Variants in CTNNA1 observed in about 807,000 individuals in gnomAD.
CTNNA1 encodes the protein catenin alpha-1.
Under a neutral mutation model 98.4 loss-of-function variants are expected in CTNNA1, and 37 were observed. That is an observed-to-expected ratio of 0.38 (90% CI 0.29 to 0.49). CTNNA1 has a LOEUF of 0.49. CTNNA1 is among the 20% of genes least tolerant of loss of function. The probability of loss-of-function intolerance (pLI) is 0.95; values close to 1 mark genes in which losing one functional copy is unlikely to be tolerated. For synonymous variants in CTNNA1, 404 were observed against 413.2 expected (o/e 0.98, Z 0.27); for missense variants, 761 against 1,147.2 (o/e 0.66, Z 4.86).
chr5:138,904,530 G>A, intron 10 of CTNNA1, 89 bp downstream of exon 10: 1 of 1,510,666 alleles, frequency 6.6e-7, no homozygotes, highest in Non-Finnish European at 8.9e-7. Flanking sequence ...GTTTTGTTTT[G>A]TTTTTAGGAT....
intron 10 of CTNNA1, among the ~76,000 whole-genome samples, chr5:138,910,338 C>G (rs550712592): frequency 7.2e-6 from 1 of 138,084 alleles, no homozygotes; most frequent in East Asian, 2.2e-4. Context: ...TAAACTCTAG[C>G]TGGGCCTGGA....
intron 7 of CTNNA1, among the ~76,000 whole-genome samples, chr5:138,847,542 G>A (rs542065830): frequency 7.9e-5 from 12 of 152,252 alleles, no homozygotes; most frequent in Non-Finnish European, 1.5e-4. Flanking sequence ...TGCTTTATTC[G>A]GGGGATATTT....
chr5:138,799,301 C>T (rs1456654757), intron 3 of CTNNA1, among the ~76,000 whole-genome samples: 1 of 152,144 alleles, frequency 6.6e-6, no homozygotes, highest in Non-Finnish European at 1.5e-5. Context: ...GGTGGGATTA[C>T]AGGCATGTGC....
intron 3 of CTNNA1, among the ~76,000 whole-genome samples, chr5:138,798,471 G>A (rs1386231876): frequency 6.6e-6 from 1 of 152,144 alleles, no homozygotes; most frequent in Admixed American, 6.5e-5. Context: ...ACAGGTTCAG[G>A]TTAAAACAAA....
intron 13 of CTNNA1, among the ~76,000 whole-genome samples, chr5:138,926,513 C>T (rs975982201): frequency 1.3e-5 from 2 of 152,150 alleles, no homozygotes; most frequent in African/African-American, 4.8e-5. Flanking sequence ...GCCCACTTGC[C>T]GATTTCGTTG....
chr5:138,758,090 T>G (rs968866815), intron 1 of CTNNA1, among the ~76,000 whole-genome samples: 1 of 152,118 alleles, frequency 6.6e-6, no homozygotes, highest in Non-Finnish European at 1.5e-5. Flanking sequence ...CACTGCAACC[T>G]CTGTCTCCTG....
At position 138,783,238 on chromosome 5, in the gene CTNNA1, A is replaced by T. The variant is rs1245581999; in HGVS notation, c.167A>T (p.Lys56Met). ...GPSNKKRGRS[K>M]KAHVLAASVE... ...TCTAATAAGAAGAGAGGTCGTTCTA[A>T]GAAGGCCCATGTTTTGGCTGCATCT... is the stretch of plus-strand genomic sequence containing the variant. Residue 56 changes from lysine to methionine, a missense_variant, in exon 3 of 18, where the codon AAG becomes ATG. This residue lies in a region of CTNNA1 where 328 missense variants were observed against 354.3 expected (regional missense o/e 0.93). Coordinates refer to ENST00000302763, the MANE Select transcript of CTNNA1 (RefSeq NM_001903.5). 6.2e-7 allele frequency: 1 copy of T among 1,614,162 alleles called. No individual in the cohort carries two copies. Among genetic ancestry groups the T allele is most frequent in the African/African-American group, 1.3e-5 (1 of 75,068 alleles).
At chr5:138,902,182 G>T (rs1758179902) in intron 9 of CTNNA1, among the ~76,000 whole-genome samples, 1 of 152,166 alleles carries the variant, frequency 6.6e-6, no homozygotes, top group South Asian at 2.1e-4. Flanking sequence ...TTCAGCCTTA[G>T]CCACACACTA....
intron 6 of CTNNA1, among the ~76,000 whole-genome samples, chr5:138,826,853 A>C (rs1760772459): frequency 6.6e-6 from 1 of 152,228 alleles, no homozygotes; most frequent in African/African-American, 2.4e-5. Flanking sequence ...GCTGGAGTGC[A>C]GTGGCACAAT....
intron 9 of CTNNA1, among the ~76,000 whole-genome samples, chr5:138,900,817 A>G (rs1324292453): frequency 6.6e-6 from 1 of 152,168 alleles, no homozygotes; most frequent in African/African-American, 2.4e-5. Flanking sequence ...AGCAAAACCC[A>G]AGGCCGATTG....
At chr5:138,932,994 G>C (rs188808881) in intron 17 of CTNNA1, 1 of 765,266 alleles carries the variant, frequency 1.3e-6, no homozygotes, top group Non-Finnish European at 2.4e-6. Context: ...GGGACCGGGC[G>C]TGGTGGCAGG....
intron 3 of CTNNA1, among the ~76,000 whole-genome samples, chr5:138,783,970 T>G (rs1304126585): frequency 1.3e-5 from 2 of 152,212 alleles, no homozygotes; most frequent in Non-Finnish European, 2.9e-5. Flanking sequence ...AAAATGGTAA[T>G]CCACAGTTTA....
At chr5:138,886,922 A>G (rs931210994) in intron 8 of CTNNA1, among the ~76,000 whole-genome samples, 7 of 152,168 alleles carry the variant, frequency 4.6e-5, no homozygotes, top group Non-Finnish European at 8.8e-5. Flanking sequence ...TTAAGAGGTA[A>G]TGGACAGATA....
At chr5:138,860,952 T>C (rs960611995) in intron 7 of CTNNA1, among the ~76,000 whole-genome samples, 3 of 152,102 alleles carry the variant, frequency 2.0e-5, no homozygotes. Context: ...TCTTTCCCAC[T>C]GCCATTTTTT....
intron 11 of CTNNA1, among the ~76,000 whole-genome samples, chr5:138,922,487 T>G (rs1025967337): frequency 6.6e-6 from 1 of 152,236 alleles, no homozygotes; most frequent in African/African-American, 2.4e-5. Flanking sequence ...TATAGTTGTC[T>G]GTATTTTGTA....
chr5:138,820,049 G>A (rs1002779283), intron 5 of CTNNA1, among the ~76,000 whole-genome samples: 1 of 68,510 alleles, frequency 1.5e-5, no homozygotes, highest in African/African-American at 6.4e-5. Flanking sequence ...GCCCCCCACC[G>A]CCAGCCATGC....
At chr5:138,764,098 T>C (rs1048048727) in intron 1 of CTNNA1, among the ~76,000 whole-genome samples, 2 of 152,190 alleles carry the variant, frequency 1.3e-5, no homozygotes, top group East Asian at 1.9e-4. Context: ...GGCAGGAGAA[T>C]TGCTTGAACC....
At position 138,873,992 on chromosome 5, in the gene CTNNA1, G is replaced by T. The variant is rs375120666; in HGVS notation, c.1063-12220G>T. On this transcript the variant is annotated intron_variant, in intron 7 of 17. Coordinates refer to ENST00000302763, the MANE Select transcript of CTNNA1 (RefSeq NM_001903.5). The surrounding 1 kb of genome is among the most constrained non-coding windows in gnomAD (Gnocchi z 6.1). ...GCGAGCCAAACTTCGCAAACGATTT[G>T]TGCTCAAATCCAGAAACTCCAGACT... 2 of 1,613,996 alleles carry T rather than the reference G, an allele frequency of 1.2e-6. No individual in the cohort carries two copies. Among genetic ancestry groups the T allele is most frequent in the Non-Finnish European group, 1.7e-6 (2 of 1,179,896 alleles).
intron 7 of CTNNA1, among the ~76,000 whole-genome samples, chr5:138,860,772 A>C (rs932332999): frequency 6.6e-6 from 1 of 152,022 alleles, no homozygotes; most frequent in Non-Finnish European, 1.5e-5. Context: ...TGGCAGTTTT[A>C]ATACGGTAAT....
Sources: gnomAD v4.1 joint callset for allele counts (sites outside exome capture counted in the v4.1 genomes callset) on GRCh38, gnomAD v4.1.1 for gene constraint, gnomAD v4.1.1 regional missense constraint, Gnocchi (gnomAD v3.1) non-coding constraint, MANE v1.5 for transcripts, NCBI Gene and HGNC (gene_info 2026-07-23, HGNC 2026-07-21) for gene names.